The following YIPF6 variants were observed in gnomAD, a reference collection of about 807,000 sequenced individuals.
YIPF6 encodes Yip1 domain family member 6.
A neutral mutation model predicts 16.8 loss-of-function variants in YIPF6; 3 were observed. The ratio of observed to expected loss-of-function variants is 0.18; its 90% CI spans 0.08 to 0.46. YIPF6 has a LOEUF of 0.46. Ranked by LOEUF, YIPF6 falls within the 20% of genes least tolerant of loss-of-function variation. The probability of loss-of-function intolerance (pLI) is 0.98; values close to 1 mark genes in which losing one functional copy is unlikely to be tolerated. For missense variants in YIPF6, 145 were observed against 184.9 expected (o/e 0.78, Z 1.25); for synonymous variants, 67 against 61.9 (o/e 1.08, Z -0.38).
rs764037071 is a variant in YIPF6, at chrX:68,516,785, G to A, written c.266-1985G>A. 8.1e-5 allele frequency among the ~76,000 whole-genome samples: 9 copies of A among 111,741 alleles called. No individual in the cohort carries two copies. In the South Asian group the frequency reaches 3.4e-3, roughly 42 times the overall value. On this transcript the variant is annotated intron_variant, in intron 3 of 6. Transcript: ENST00000462683. ...GCTCTAAGCTATGTGCTACTGAACT[G>A]TTGGCATGCAAATCACTCAGCAGCT...
chrX:68,523,101 A>G (rs1238290090), intron 6 of YIPF6, among the ~76,000 whole-genome samples, 184 bp downstream of exon 6: 3 of 108,967 alleles, frequency 2.8e-5, no homozygotes, highest in Non-Finnish European at 5.7e-5. Flanking sequence ...GGATATCTGG[A>G]CTTATAAGAT....
intron 3 of YIPF6, chrX:68,515,129 A>T (rs1302444632): frequency 1.4e-4 from 15 of 108,809 alleles, no homozygotes; most frequent in African/African-American, 5.0e-4. Context: ...GATCGAGACC[A>T]TCCTGGCTAA....
rs753590574 is a variant in YIPF6 at position 68,532,152 on chromosome X, T to C, written c.*153T>C. ...AGATTAAAAGGGAGCCATATAGCACTGTCACCCCTTATTTGAGGAACTGAT... is the reference window on the plus strand; with the variant it reads ...AGATTAAAAGGGAGCCATATAGCACCGTCACCCCTTATTTGAGGAACTGAT... On this transcript the variant is annotated 3_prime_UTR_variant, in exon 7 of 7. Coordinates refer to ENST00000462683, the MANE Select transcript of YIPF6 (RefSeq NM_173834.4). The C allele has an allele frequency of 2.4e-5, 10 of 417,789 alleles. No homozygotes were observed. The South Asian group carries it at 4.0e-4, about 17-fold the overall frequency. 34.4% of individuals were successfully genotyped at this position (417,789 alleles called of 1,213,427 possible).
At chrX:68,513,282 G>A in intron 2 of YIPF6, 45 bp from the exon 3 acceptor site, 1 of 1,073,945 alleles carries the variant, frequency 9.3e-7, no homozygotes, top group Non-Finnish European at 1.3e-6. Context: ...AAGGCTGCTG[G>A]CAACCTTGGT....
At chrX:68,504,421 G>T (rs1016171334) in intron 1 of YIPF6, among the ~76,000 whole-genome samples, 1 of 111,372 alleles carries the variant, frequency 9.0e-6, no homozygotes, top group African/African-American at 3.3e-5. Context: ...TCATATGTGC[G>T]GTGTTTCTGA....
intron 6 of YIPF6, among the ~76,000 whole-genome samples, chrX:68,524,416 G>A (rs906057076): frequency 3.1e-4 from 34 of 110,150 alleles, no homozygotes; most frequent in African/African-American, 1.1e-3. Flanking sequence ...TGATCCACCC[G>A]CCTTGGCCTC....
At chrX:68,510,790 C>T (rs902940092) in intron 1 of YIPF6, 1 of 111,256 alleles carries the variant, frequency 9.0e-6, no homozygotes, top group Non-Finnish European at 1.9e-5. Flanking sequence ...TGCGCCACCA[C>T]GCGCAGCTAA....
At chrX:68,502,311 G>A (rs763173428) in intron 1 of YIPF6, among the ~76,000 whole-genome samples, 202 of 111,877 alleles carry the variant, frequency 1.8e-3, no homozygotes, top group African/African-American at 6.4e-3. Flanking sequence ...ATCCACGAGG[G>A]TTTGTAGCGT....
At chrX:68,519,044 C>T (rs757798180) in intron 4 of YIPF6, among the ~76,000 whole-genome samples, 2 of 111,981 alleles carry the variant, frequency 1.8e-5, no homozygotes, top group East Asian at 5.6e-4. Flanking sequence ...CTGTTTTAGC[C>T]ATGTCTATTC....
At chrX:68,513,254 A>C (rs1224882637) in intron 2 of YIPF6, 73 bp from the exon 3 acceptor site, 6 of 864,997 alleles carry the variant, frequency 6.9e-6, no homozygotes, top group Non-Finnish European at 9.7e-6. Flanking sequence ...AAATGAAAGA[A>C]ATTTTAGCAA....
intron 3 of YIPF6, among the ~76,000 whole-genome samples, chrX:68,516,601 C>A (rs2079103741): frequency 8.9e-6 from 1 of 111,986 alleles, no homozygotes; most frequent in South Asian, 3.7e-4. Context: ...CTTTTCCAAA[C>A]TTTCCACAAT....
At chrX:68,527,368 T>C (rs2079152943) in intron 6 of YIPF6, among the ~76,000 whole-genome samples, 1 of 111,895 alleles carries the variant, frequency 8.9e-6, no homozygotes, top group African/African-American at 3.2e-5. Flanking sequence ...CTCTCTTTTC[T>C]TCTTTATTAG....
Position 68,523,936 on chromosome X carries a change from C to T in YIPF6, c.592+1019C>T, listed in dbSNP as rs187247077. Among the ~76,000 whole-genome samples, 25 of 111,944 alleles carry T rather than the reference C, an allele frequency of 2.2e-4. No individual in the cohort carries two copies. The East Asian group carries it at 5.9e-3, about 27-fold the overall frequency. ...CAGTGTCCAGGCTCACAGGTGATCA[C>T]GAAGTAGAATCATAGGAGAGAGAAA... On this transcript the variant is annotated intron_variant, in intron 6 of 6. Coordinates refer to ENST00000462683, the MANE Select transcript of YIPF6 (RefSeq NM_173834.4).
chrX:68,519,068 T>C (rs1292755465), intron 4 of YIPF6, among the ~76,000 whole-genome samples: 2 of 112,222 alleles, frequency 1.8e-5, no homozygotes, highest in Non-Finnish European at 3.8e-5. Flanking sequence ...AAACATTTAT[T>C]TACTTATTTA....
intron 1 of YIPF6, among the ~76,000 whole-genome samples, chrX:68,503,962 G>A (rs777633796): frequency 3.6e-5 from 4 of 112,021 alleles, no homozygotes; most frequent in Admixed American, 1.9e-4. Flanking sequence ...CAAGTTATCC[G>A]CCCATCTTGG....
chrX:68,503,700 A>G (rs2079049156), intron 1 of YIPF6, among the ~76,000 whole-genome samples: 1 of 112,162 alleles, frequency 8.9e-6, no homozygotes, highest in African/African-American at 3.2e-5. Context: ...TGCTCTTCAG[A>G]CACCAGCCAC....
intron 1 of YIPF6, among the ~76,000 whole-genome samples, chrX:68,501,587 T>A (rs1343491210): frequency 8.9e-6 from 1 of 112,029 alleles, no homozygotes; most frequent in Non-Finnish European, 1.9e-5. Context: ...GATCTGACTC[T>A]GAAGCCCAGA....
chrX:68,534,966 A>G lies in YIPF6; in HGVS notation c.*2967A>G, dbSNP rs749425618. ...TCTGAGACCAAGACTCTTTTGTCATATTCTTTAGCAATAGGACGGGTAAAG... is the reference window on the plus strand; with the variant it reads ...TCTGAGACCAAGACTCTTTTGTCATGTTCTTTAGCAATAGGACGGGTAAAG... On this transcript the variant is annotated 3_prime_UTR_variant, in exon 7 of 7. Transcript: ENST00000462683. The G allele has an allele frequency of 8.9e-6, 1 of 112,525 alleles. No individual in the cohort carries two copies. Among genetic ancestry groups the G allele is most frequent in the Admixed American group, 9.4e-5 (1 of 10,631 alleles). 9.3% of individuals were successfully genotyped at this position (112,525 alleles called of 1,213,427 possible). A position where few individuals can be genotyped will look rare whatever the true frequency, so the allele number is the denominator to read the frequency against.
rs766524850 is a variant in YIPF6 at position 68,522,831 on chromosome X, G to A, written c.506G>A (p.Arg169Gln). 9 of 1,210,955 alleles carry A rather than the reference G, an allele frequency of 7.4e-6. No homozygotes were observed. The highest frequency in any genetic ancestry group is 1.0e-5 in the Non-Finnish European group (9 of 895,257). ...LPLTVAMLICRLVLLADPGPV... is the reference protein window; with the variant it reads ...LPLTVAMLICQLVLLADPGPV... ...TTGACAGTAGCAATGCTGATTTGCC[G>A]GCTGGTACTTTTGGCTGATCCAGGA... Residue 169 changes from arginine (R) to glutamine (Q), a missense_variant, in exon 6 of 7, where the codon CGG (arginine) becomes CAG (glutamine). By Grantham distance (43) the Arg-to-Gln change is conservative (BLOSUM62 1). Transcript: ENST00000462683.
Sources: gnomAD v4.1 joint callset for allele counts (sites outside exome capture counted in the v4.1 genomes callset) on GRCh38, gnomAD v4.1.1 for gene constraint, MANE v1.5 for transcripts, NCBI Gene and HGNC (gene_info 2026-07-23, HGNC 2026-07-21) for gene names.